FOXN3: variants seen among roughly 807,000 people sequenced by gnomAD.
FOXN3 encodes forkhead box N3, also known as forkhead box protein N3.
In FOXN3, 7 loss-of-function variants were observed where a neutral mutation model predicts 38.4. That is an observed-to-expected ratio of 0.18 (90% CI 0.10 to 0.34). The LOEUF is 0.34. FOXN3 is among the 10% of genes least tolerant of loss of function. FOXN3 has a pLI of 1.00. For missense variants in FOXN3, 456 were observed against 613.4 expected, an observed-to-expected ratio of 0.74 and a Z score of 2.71; for synonymous variants, 230 against 242.2, an observed-to-expected ratio of 0.95 and a Z score of 0.47.
intron 3 of FOXN3, among the ~76,000 whole-genome samples, chr14:89,347,850 C>T (rs1280588057): frequency 2.0e-5 from 3 of 151,964 alleles, no homozygotes; most frequent in African/African-American, 4.8e-5. Flanking sequence ...TACTCTCAGG[C>T]GGCTGAGGCA....
At chr14:89,465,768 T>C (rs962395198) in intron 1 of FOXN3, among the ~76,000 whole-genome samples, 3 of 152,208 alleles carry the variant, frequency 2.0e-5, no homozygotes, top group African/African-American at 7.2e-5. Flanking sequence ...TTGTTCTTAA[T>C]CATTGACTGA....
chr14:89,493,686 C>T (rs1893625359), intron 1 of FOXN3, among the ~76,000 whole-genome samples: 1 of 152,172 alleles, frequency 6.6e-6, no homozygotes, highest in Non-Finnish European at 1.5e-5. Flanking sequence ...AACCTCTCTG[C>T]TCCTCACCTG....
chr14:89,399,515 G>A (rs1891192005), intron 2 of FOXN3, among the ~76,000 whole-genome samples: 1 of 152,194 alleles, frequency 6.6e-6, no homozygotes, highest in South Asian at 2.1e-4. Context: ...TTTGGGACAA[G>A]TACCCTTTTA....
chr14:89,439,900 C>G (rs1003728638), intron 1 of FOXN3, among the ~76,000 whole-genome samples: 1 of 152,048 alleles, frequency 6.6e-6, no homozygotes, highest in South Asian at 2.1e-4. Flanking sequence ...GTGATCCACC[C>G]GCCTCGGCCT....
chr14:89,611,753 C>T lies in FOXN3; in HGVS notation c.-15+7275G>A, dbSNP rs373357587. ...CCTGGGAGGCGGAGCTTGCAGTGAG[C>T]CGAGATCGTGCCACTGCACTCCAGC... On this transcript the variant is annotated intron_variant, in intron 1 of 6. Transcript: ENST00000345097. Among the ~76,000 whole-genome samples, 8 of 148,844 alleles carry T rather than the reference C, an allele frequency of 5.4e-5. No individual in the cohort carries two copies. The South Asian group carries it at 8.5e-4, about 16-fold the overall frequency.
At chr14:89,278,039 T>C (rs1385131636) in intron 4 of FOXN3, among the ~76,000 whole-genome samples, 1 of 151,634 alleles carries the variant, frequency 6.6e-6, no homozygotes, top group East Asian at 2.0e-4. Context: ...CAAAAATAGG[T>C]CTCCCTCCTC....
chr14:89,513,150 GA>G lies in FOXN3; in HGVS notation c.-14-100661del, dbSNP rs36003791. On this transcript the variant is annotated intron_variant, in intron 1 of 6. Coordinates refer to the FOXN3 transcript ENST00000345097. The stretch of plus-strand genomic sequence containing the variant: ...GCAACAGAGTGAGATTCCATCTCAG[GA>G]AAAAAAAAAAAAAAAAAAGAAAAAG... 2.1e-3 allele frequency among the ~76,000 whole-genome samples: 212 copies of G among 102,076 alleles called. 1 individual carries two copies. The highest frequency in any genetic ancestry group is 6.3e-3 in the African/African-American group (174 of 27,442). 67.0% of individuals were successfully genotyped at this position (102,076 alleles called of 152,430 possible).
At chr14:89,193,881 C>A (rs752308411) in intron 4 of FOXN3, among the ~76,000 whole-genome samples, 34 of 152,090 alleles carry the variant, frequency 2.2e-4, no homozygotes, top group Non-Finnish European at 4.3e-4. Context: ...AAAACGTTAG[C>A]CATCTAGGGG....
intron 4 of FOXN3, among the ~76,000 whole-genome samples, chr14:89,212,855 T>C (rs190345608): frequency 6.6e-6 from 1 of 152,104 alleles, no homozygotes; most frequent in Non-Finnish European, 1.5e-5. Flanking sequence ...TTAATGAGGA[T>C]CAGGTTTGAC....
chr14:89,321,360 G>A (rs1182294889), intron 3 of FOXN3, among the ~76,000 whole-genome samples: 5 of 152,166 alleles, frequency 3.3e-5, no homozygotes, highest in Non-Finnish European at 5.9e-5. Context: ...GGTGGATCAC[G>A]AGGTTGGGAG....
At chr14:89,497,854 C>T (rs1373169412) in intron 1 of FOXN3, among the ~76,000 whole-genome samples, 6 of 152,176 alleles carry the variant, frequency 3.9e-5, no homozygotes, top group Non-Finnish European at 8.8e-5. Context: ...TACATTCCTA[C>T]AGCGGTGTCC....
Position 89,162,955 on chromosome 14 carries a change from C to G in FOXN3, c.866G>C (p.Ser289Thr). The change falls in exon 6 of 6, where the codon AGC (serine) becomes ACC (threonine). Residue 289 changes from serine to threonine, a missense_variant. Around this residue, in one of 3 missense-constraint regions of FOXN3, gnomAD observed 386 missense variants for 505.2 expected, o/e 0.76. Transcript: ENST00000557258. The surrounding 1 kb of genome is among the most constrained non-coding windows in gnomAD (Gnocchi z 7.2). ...CTCACTCTCAGTCCGCATCCGGCAG[C>G]TGGTGATGCCATTCCTGCAGAGCGA... ...VTAAMRNGIT[S>T]CRMRTESEPS... is the part of the protein sequence containing the mutation. 6.4e-7 allele frequency: 1 copy of G among 1,562,442 alleles called. No homozygotes were observed. The highest frequency in any genetic ancestry group is 1.7e-4 in the Middle Eastern group (1 of 5,830).
chr14:89,495,680 A>C (rs1440392501), intron 1 of FOXN3, among the ~76,000 whole-genome samples: 1 of 152,194 alleles, frequency 6.6e-6, no homozygotes, highest in Non-Finnish European at 1.5e-5. Context: ...ATTTGCTTCA[A>C]GTTCAAATCT....
intron 4 of FOXN3, among the ~76,000 whole-genome samples, chr14:89,198,770 G>A (rs544617622): frequency 6.6e-6 from 1 of 152,328 alleles, no homozygotes; most frequent in Admixed American, 6.5e-5. Context: ...AGTCCAAAAG[G>A]TGAATAGTGC....
chr14:89,420,885 T>TAAAAAA (rs10654363), upstream of FOXN3, among the ~76,000 whole-genome samples: 1 of 140,828 alleles, frequency 7.1e-6, no homozygotes, highest in Non-Finnish European at 1.5e-5. Context: ...AGATACGAAT[T>TAAAAAA]AAAAAAAAAA....
chr14:89,607,815 ATC>A (rs1246407689), intron 1 of FOXN3, among the ~76,000 whole-genome samples: 2 of 50,250 alleles, frequency 4.0e-5, no homozygotes, highest in East Asian at 2.1e-3. Context: ...TATACATGCT[ATC>A]TTTTTTTTTT....
chr14:89,487,156 T>C (rs1477680178), intron 1 of FOXN3, among the ~76,000 whole-genome samples: 6 of 152,240 alleles, frequency 3.9e-5, no homozygotes, highest in African/African-American at 1.4e-4. Context: ...TGTCTCTGGC[T>C]CTACTCCTCA....
intron 2 of FOXN3, among the ~76,000 whole-genome samples, chr14:89,370,999 ACT>A (rs35510295): frequency 0.39 from 58,781 of 152,064 alleles, 13,816 homozygotes; most frequent in Admixed American, 0.55. Context: ...TTTCAGCACC[ACT>A]GTCTTTCCCT....
At chr14:89,482,096 G>A (rs1395536626) in intron 1 of FOXN3, among the ~76,000 whole-genome samples, 1 of 151,956 alleles carries the variant, frequency 6.6e-6, no homozygotes, top group Non-Finnish European at 1.5e-5. Context: ...CACTTTATTT[G>A]AACTTTTCTT....
Sources: gnomAD v4.1 joint callset for allele counts (sites outside exome capture counted in the v4.1 genomes callset) on GRCh38, gnomAD v4.1.1 for gene constraint, gnomAD v4.1.1 regional missense constraint, Gnocchi (gnomAD v3.1) non-coding constraint, MANE v1.5 for transcripts, NCBI Gene and HGNC (gene_info 2026-07-23, HGNC 2026-07-21) for gene names.